LDLRAD4: variants seen among roughly 807,000 people sequenced by gnomAD.
LDLRAD4 encodes the protein low density lipoprotein receptor class A domain containing 4, also known as low-density lipoprotein receptor class A domain-containing protein 4.
Under a neutral mutation model 17.0 loss-of-function variants are expected in LDLRAD4, and 5 were observed. The ratio of observed to expected loss-of-function variants is 0.29; its 90% CI spans 0.15 to 0.62. The LOEUF (loss-of-function observed/expected upper bound fraction) is 0.62, where lower values mean the gene tolerates loss of function less well. Among genes scored for constraint, LDLRAD4 ranks in the 20% least tolerant of loss-of-function variants. The probability of loss-of-function intolerance (pLI) is 0.84; values close to 1 mark genes in which losing one functional copy is unlikely to be tolerated. For missense variants in LDLRAD4, 340 were observed against 424.7 expected (o/e 0.80, Z 1.75); for synonymous variants, 168 against 171.8 (o/e 0.98, Z 0.17).
At chr18:13,560,190 T>C (rs2094526041) in intron 3 of LDLRAD4, among the ~76,000 whole-genome samples, 1 of 152,224 alleles carries the variant, frequency 6.6e-6, no homozygotes, top group South Asian at 2.1e-4. Context: ...ATTGAAGCCC[T>C]AGAGGGTGTC....
chr18:13,430,002 C>T (rs532700864), intron 2 of LDLRAD4, among the ~76,000 whole-genome samples: 3 of 152,226 alleles, frequency 2.0e-5, no homozygotes, highest in South Asian at 4.2e-4. Context: ...GTCCACTTCT[C>T]CCTTGCTGCC....
intron 2 of LDLRAD4, among the ~76,000 whole-genome samples, chr18:13,417,870 G>A (rs142633199): frequency 1.6e-4 from 25 of 152,264 alleles, no homozygotes; most frequent in African/African-American, 6.0e-4. Flanking sequence ...GTGTGTGTGT[G>A]TTTCTTTTTA....
chr18:13,515,175 G>C (rs937236163), intron 3 of LDLRAD4: 1 of 152,206 alleles, frequency 6.6e-6, no homozygotes, highest in African/African-American at 2.4e-5. Flanking sequence ...TTCGTCTCCC[G>C]AATAGGCCTT....
In LDLRAD4 at chr18:13,385,314, G is replaced by C. The variant is rs151242049; in HGVS notation, c.-382-2027G>C. ...GAAACATCTTTTCAGGTAATTGCCC[G>C]TTTTAAAAATTGGGTTGTTTTCTTG... On this transcript the variant is annotated intron_variant, in intron 1 of 5. Transcript: ENST00000359446. Among the ~76,000 whole-genome samples the C allele has an allele frequency of 2.0e-5, 3 of 152,240 alleles. No individual in the cohort carries two copies. The East Asian group carries it at 5.8e-4, about 29-fold the overall frequency.
At chr18:13,262,159 C>T (rs1406489124) in intron 1 of LDLRAD4, among the ~76,000 whole-genome samples, 1,242 of 88,746 alleles carry the variant, frequency 0.014, no homozygotes, top group South Asian at 0.028. Flanking sequence ...CGGCTCTGTG[C>T]GTGGGGGCTG....
intron 1 of LDLRAD4, among the ~76,000 whole-genome samples, chr18:13,378,353 G>A (rs187781579): frequency 2.4e-4 from 36 of 152,268 alleles, no homozygotes; most frequent in Admixed American, 8.5e-4. Flanking sequence ...CACCCTACTT[G>A]TCAGAAGGGT....
chr18:13,438,794 G>T (rs1029507688), intron 3 of LDLRAD4, among the ~76,000 whole-genome samples: 1 of 152,228 alleles, frequency 6.6e-6, no homozygotes, highest in African/African-American at 2.4e-5. Flanking sequence ...GATCCTTGAA[G>T]GTTCTGATCA....
At chr18:13,319,835 G>C (rs1437559134) in intron 1 of LDLRAD4, among the ~76,000 whole-genome samples, 2 of 152,184 alleles carry the variant, frequency 1.3e-5, no homozygotes, top group Non-Finnish European at 2.9e-5. Context: ...ATATTTCCGG[G>C]AACAGTTGCC....
intron 3 of LDLRAD4, among the ~76,000 whole-genome samples, chr18:13,569,033 G>C (rs770499340): frequency 7.2e-5 from 11 of 151,964 alleles, no homozygotes; most frequent in Non-Finnish European, 1.3e-4. Flanking sequence ...TGAATGAGTT[G>C]ATATTAGTGG....
At position 13,624,154 on chromosome 18, in the gene LDLRAD4, C is replaced by A. The variant is rs1396011694; in HGVS notation, c.336+2883C>A. ...AGCGGTGCTGAGGCGGAGGAGCCGGCCCCACCAGGTGCTGAGCACTGCCGG... is the reference window on the plus strand; with the variant it reads ...AGCGGTGCTGAGGCGGAGGAGCCGGACCCACCAGGTGCTGAGCACTGCCGG... On this transcript the variant is annotated intron_variant, in intron 4 of 5. Transcript: ENST00000359446. Among the ~76,000 whole-genome samples, 4 of 151,972 alleles carry A rather than the reference C, an allele frequency of 2.6e-5. No individual in the cohort carries two copies. The East Asian group carries it at 7.8e-4, about 30-fold the overall frequency.
chr18:13,641,926 G>C, intron 4 of LDLRAD4: 1 of 985,510 alleles, frequency 1.0e-6, no homozygotes, highest in Non-Finnish European at 1.2e-6. Context: ...TCCTGGCTAC[G>C]GCTGACTGGG....
At chr18:13,554,464 TA>T (rs1399295333) in intron 3 of LDLRAD4, among the ~76,000 whole-genome samples, 3 of 152,182 alleles carry the variant, frequency 2.0e-5, no homozygotes, top group Non-Finnish European at 4.4e-5. Flanking sequence ...TTTCTGTTAA[TA>T]TTTTTTTTCA....
chr18:13,463,892 A>G (rs1244506188), intron 3 of LDLRAD4, among the ~76,000 whole-genome samples: 1 of 152,276 alleles, frequency 6.6e-6, no homozygotes, highest in East Asian at 1.9e-4. Flanking sequence ...ATTAATGGAT[A>G]GTACTTCTCA....
At chr18:13,569,270 G>T (rs377500780) in intron 3 of LDLRAD4, among the ~76,000 whole-genome samples, 7 of 140,340 alleles carry the variant, frequency 5.0e-5, no homozygotes, top group Non-Finnish European at 1.1e-4. Context: ...GCCCCATCCT[G>T]CAGGCTCAGG....
intron 1 of LDLRAD4, among the ~76,000 whole-genome samples, chr18:13,249,951 T>C (rs1219286869): frequency 6.6e-6 from 1 of 152,214 alleles, no homozygotes; most frequent in African/African-American, 2.4e-5. Flanking sequence ...GGTCTAGTTT[T>C]ATTTTTCTGC....
intron 1 of LDLRAD4, among the ~76,000 whole-genome samples, chr18:13,340,310 G>A (rs1052973508): frequency 6.6e-6 from 1 of 152,068 alleles, no homozygotes. Context: ...GGGACATATC[G>A]TAATTCTATA....
chr18:13,255,160 G>A (rs2043434375), intron 1 of LDLRAD4, among the ~76,000 whole-genome samples: 1 of 152,212 alleles, frequency 6.6e-6, no homozygotes, highest in South Asian at 2.1e-4. Flanking sequence ...GAGCCCTGCT[G>A]TGTGCTGGGC....
intron 3 of LDLRAD4, among the ~76,000 whole-genome samples, chr18:13,477,210 G>A (rs1356395662): frequency 3.3e-5 from 5 of 152,170 alleles, no homozygotes; most frequent in Non-Finnish European, 7.3e-5. Flanking sequence ...CAAGACAGCT[G>A]TGGTGTTAGA....
intron 3 of LDLRAD4, among the ~76,000 whole-genome samples, chr18:13,544,568 G>T (rs1448841301): frequency 2.0e-5 from 3 of 152,224 alleles, no homozygotes; most frequent in Non-Finnish European, 4.4e-5. Flanking sequence ...TGCTGTGGAT[G>T]GCAGCCTGCA....
Sources: allele counts gnomAD v4.1 joint callset (sites outside exome capture counted in the v4.1 genomes callset), GRCh38; gene constraint gnomAD v4.1.1; transcripts MANE v1.5; gene names NCBI Gene and HGNC (gene_info 2026-07-23, HGNC 2026-07-21).